Variants in AKAP13 observed in about 807,000 individuals in gnomAD.
AKAP13 encodes the protein A-kinase anchoring protein 13, also known as A-kinase anchor protein 13.
A neutral mutation model predicts 264.5 loss-of-function variants in AKAP13; 80 were observed. That is an observed-to-expected ratio of 0.30 (90% CI 0.25 to 0.36). The LOEUF is 0.36. Ranked by LOEUF, AKAP13 falls within the 10% of genes least tolerant of loss-of-function variation. The pLI is 1.00. For missense variants in AKAP13, 3,712 were observed against 3,435.2 expected, an observed-to-expected ratio of 1.08 and a Z score of -2.01; for synonymous variants, 1,380 against 1,250.2, an observed-to-expected ratio of 1.10 and a Z score of -2.19.
rs751690369 is a variant in AKAP13, at chr15:85,579,863, G to A, written c.1795G>A (p.Asp599Asn). 7 of 1,614,054 alleles carry A rather than the reference G, an allele frequency of 4.3e-6. No individual in the cohort carries two copies. The East Asian group carries it at 1.3e-4, about 31-fold the overall frequency. ...IPAAAKDKIS[D>N]GLEPYTLLAA... Reference sequence around the variant, plus strand: ...AGCTGCTGCAAAAGACAAGATTTCAGATGGATTAGAACCTTATACTCTCTT... The same window carrying A: ...AGCTGCTGCAAAAGACAAGATTTCAAATGGATTAGAACCTTATACTCTCTT... Residue 599 changes from aspartate (D) to asparagine (N), a missense_variant, in exon 7 of 37, where the codon GAT (aspartate) becomes AAT (asparagine). Transcript: ENST00000394518.
intron 8 of AKAP13, among the ~76,000 whole-genome samples, chr15:85,586,089 G>C (rs561489641): frequency 6.6e-6 from 1 of 152,252 alleles, no homozygotes; most frequent in African/African-American, 2.4e-5. Flanking sequence ...TGAGCACAAG[G>C]CTTTAAGATT....
At position 85,698,773 on chromosome 15, in the gene AKAP13, G is replaced by A. The variant is rs145957385; in HGVS notation, c.5464+5322G>A. On this transcript the variant is annotated intron_variant, in intron 17 of 36. Transcript: ENST00000394518. ...AGCCTGGCCAACATGGTGAAACCCC[G>A]TCTCTACTAAAAATACAGAAATCAG... Among the ~76,000 whole-genome samples, 651 of 149,030 alleles carry A rather than the reference G, an allele frequency of 4.4e-3. 1 individual carries two copies. The highest frequency in any genetic ancestry group is 0.015 in the African/African-American group (607 of 40,556).
chr15:85,468,623 CACA>C (rs1292568529), intron 1 of AKAP13, among the ~76,000 whole-genome samples: 5 of 152,246 alleles, frequency 3.3e-5, no homozygotes, highest in South Asian at 2.1e-4. Flanking sequence ...CCAAGCAAAG[CACA>C]ACAAGTAGTT....
chr15:85,533,814 C>G lies in AKAP13; in HGVS notation c.412C>G (p.Leu138Val). Residue 138 changes from leucine to valine, a missense_variant, in exon 4 of 37, where the codon CTG becomes GTG. By Grantham distance (32) the Leu-to-Val change is conservative. Around this residue, in one of 3 missense-constraint regions of AKAP13, gnomAD observed 2,759 missense variants for 2,411.7 expected, o/e 1.14. Coordinates refer to ENST00000394518, the MANE Select transcript of AKAP13 (RefSeq NM_007200.5). ...GAATTCCCTTGATAAGAAGTTGGTG[C>G]TGGCATTCAGGCACCTGAAGCTGCC... is the stretch of plus-strand genomic sequence containing the variant. ...DVNSLDKKLV[L>V]AFRHLKLPTE... The G allele has an allele frequency of 6.2e-7, 1 of 1,613,682 alleles. No homozygotes were observed.
chr15:85,575,030 A>G (rs939458460), intron 5 of AKAP13, 101 bp from the exon 6 acceptor site: 15 of 1,206,400 alleles, frequency 1.2e-5, no homozygotes, highest in African/African-American at 4.5e-5. Context: ...GTTGAACCTC[A>G]AAGAACAATC....
chr15:85,567,916 A>C (rs1254518940), intron 5 of AKAP13, among the ~76,000 whole-genome samples: 1 of 151,496 alleles, frequency 6.6e-6, no homozygotes, highest in African/African-American at 2.4e-5. Context: ...AAAAGTATAT[A>C]AATACCTATT....
intron 1 of AKAP13, among the ~76,000 whole-genome samples, chr15:85,426,978 C>T (rs1466535147): frequency 4.7e-5 from 5 of 105,594 alleles, no homozygotes; most frequent in South Asian, 5.3e-4. Context: ...TTTTTGGGGA[C>T]GGAGTCTCAC....
chr15:85,639,310 G>A (rs1402189196), intron 8 of AKAP13, 64 bp from the exon 9 acceptor site: 6 of 1,118,054 alleles, frequency 5.4e-6, no homozygotes, highest in Non-Finnish European at 6.7e-6. Flanking sequence ...CATAATTTTG[G>A]CACCTGTAAA....
intron 35 of AKAP13, among the ~76,000 whole-genome samples, chr15:85,742,973 G>C (rs1356298093): frequency 6.6e-6 from 1 of 152,156 alleles, no homozygotes; most frequent in Non-Finnish European, 1.5e-5. Flanking sequence ...TTTGACAAAG[G>C]AGGGTTCCCA....
intron 1 of AKAP13, among the ~76,000 whole-genome samples, chr15:85,421,779 A>G (rs2072536939): frequency 6.6e-6 from 1 of 152,158 alleles, no homozygotes; most frequent in South Asian, 2.1e-4. Flanking sequence ...TAGACTTATT[A>G]TTGTTTTTCA....
At chr15:85,641,169 G>A (rs1019145686) in intron 9 of AKAP13, among the ~76,000 whole-genome samples, 13 of 151,944 alleles carry the variant, frequency 8.6e-5, no homozygotes, top group African/African-American at 2.7e-4. Flanking sequence ...TCTTTTGGCC[G>A]GGCGAGGTGG....
intron 5 of AKAP13, among the ~76,000 whole-genome samples, chr15:85,545,902 C>G (rs1335191694): frequency 6.6e-6 from 1 of 152,144 alleles, no homozygotes; most frequent in Non-Finnish European, 1.5e-5. Flanking sequence ...CAGTAGCATT[C>G]AGTACCATCA....
chr15:85,679,993 G>A (rs745834853), intron 14 of AKAP13, among the ~76,000 whole-genome samples: 3 of 152,166 alleles, frequency 2.0e-5, no homozygotes, highest in Non-Finnish European at 4.4e-5. Flanking sequence ...ATTTTTAGCA[G>A]TGGAAAAGTT....
At chr15:85,697,446 G>C (rs1377339063) in intron 17 of AKAP13, among the ~76,000 whole-genome samples, 1 of 152,192 alleles carries the variant, frequency 6.6e-6, no homozygotes, top group African/African-American at 2.4e-5. Context: ...GCGTGCGCCT[G>C]TAATCCCAGC....
At chr15:85,445,485 GATGTTTTGTTTCCTGAA>G (rs1472016818) in intron 1 of AKAP13, among the ~76,000 whole-genome samples, 1 of 152,156 alleles carries the variant, frequency 6.6e-6, no homozygotes, top group Non-Finnish European at 1.5e-5. Flanking sequence ...AGTTATTTAG[GATGTTTTGTTTCCTGAA>G]ATGTTATTTA....
chr15:85,516,612 G>T (rs966618146), intron 2 of AKAP13, among the ~76,000 whole-genome samples: 1 of 152,194 alleles, frequency 6.6e-6, no homozygotes, highest in Admixed American at 6.5e-5. Context: ...AAATGGGCCT[G>T]CCACGGCCTT....
chr15:85,431,002 C>G (rs149223561), intron 1 of AKAP13, among the ~76,000 whole-genome samples: 136 of 152,290 alleles, frequency 8.9e-4, no homozygotes, highest in African/African-American at 3.2e-3. Flanking sequence ...TTTTCCTTAT[C>G]AAGTTGGTAA....
intron 1 of AKAP13, among the ~76,000 whole-genome samples, chr15:85,450,736 G>C (rs2074057299): frequency 6.6e-6 from 1 of 151,812 alleles, no homozygotes; most frequent in Non-Finnish European, 1.5e-5. Context: ...GGTATGATTT[G>C]GTTTCTTTTA....
chr15:85,454,659 C>G (rs1031321844), intron 1 of AKAP13, among the ~76,000 whole-genome samples: 2 of 152,148 alleles, frequency 1.3e-5, no homozygotes, highest in South Asian at 4.1e-4. Flanking sequence ...AAAAAAAAAT[C>G]TTATCGTGAT....
Sources: allele counts gnomAD v4.1 joint callset (sites outside exome capture counted in the v4.1 genomes callset), GRCh38; gene constraint gnomAD v4.1.1; regional missense constraint gnomAD v4.1.1; transcripts MANE v1.5; gene names NCBI Gene and HGNC (gene_info 2026-07-23, HGNC 2026-07-21).